The following SSR1 variants were observed in gnomAD, a reference collection of about 807,000 sequenced individuals.
SSR1 encodes the protein translocon-associated protein subunit alpha.
In SSR1, 13 loss-of-function variants were observed where a neutral mutation model predicts 36.1. The ratio of observed to expected loss-of-function variants is 0.36; its 90% CI spans 0.23 to 0.57. The LOEUF (loss-of-function observed/expected upper bound fraction) is 0.57. Among genes scored for constraint, SSR1 ranks in the 20% least tolerant of loss-of-function variants. SSR1 has a pLI of 0.81. For synonymous variants in SSR1, 113 were observed against 118.9 expected, an observed-to-expected ratio of 0.95 and a Z score of 0.32; for missense variants, 291 against 338.5, an observed-to-expected ratio of 0.86 and a Z score of 1.10.
At chr6:7,309,884 T>C (rs1758150375) in intron 2 of SSR1, 33 bp downstream of exon 2, 1 of 1,439,786 alleles carries the variant, frequency 6.9e-7, no homozygotes. Context: ...ATTACATACA[T>C]TTTACATATA....
rs1424668924 is a variant in SSR1 at position 7,286,131 on chromosome 6, AAAAC to A, written c.*3729_*3732del. ...TAAAGGTGTGTGATATGATGACTAG[AAAAC>A]AAACAGAACACAGCACGTGATTGAT... On this transcript the variant is annotated 3_prime_UTR_variant, in exon 8 of 8. Transcript: ENST00000244763. The A allele has an allele frequency of 6.6e-6, 1 of 152,212 alleles. No homozygotes were observed. Among genetic ancestry groups the A allele is most frequent in the Non-Finnish European group, 1.5e-5 (1 of 68,042 alleles). The allele number at this position is 152,212 out of a possible 1,614,324, so 9.4% of individuals were successfully genotyped here. A position where few individuals can be genotyped will look rare whatever the true frequency, so the allele number is the denominator to read the frequency against.
chr6:7,298,930 C>A (rs1304958415), intron 4 of SSR1, 107 bp from the exon 5 acceptor site: 12 of 838,764 alleles, frequency 1.4e-5, no homozygotes, highest in Admixed American at 6.6e-5. Flanking sequence ...ATAGCCTTCC[C>A]ATCACTTAGA....
chr6:7,312,526 A>G (rs566608582), intron 1 of SSR1, among the ~76,000 whole-genome samples: 1 of 152,240 alleles, frequency 6.6e-6, no homozygotes, highest in African/African-American at 2.4e-5. Context: ...TGAACAAGAC[A>G]CTCTGATGGC....
At chr6:7,301,151 C>G (rs2113288708) in intron 4 of SSR1, among the ~76,000 whole-genome samples, 159 bp downstream of exon 4, 1 of 152,260 alleles carries the variant, frequency 6.6e-6, no homozygotes, top group Non-Finnish European at 1.5e-5. Flanking sequence ...CTGGATTAGA[C>G]TTGAAGAAGA....
intron 2 of SSR1, among the ~76,000 whole-genome samples, chr6:7,308,469 A>G (rs1334146520): frequency 6.6e-6 from 1 of 152,176 alleles, no homozygotes; most frequent in Non-Finnish European, 1.5e-5. Flanking sequence ...GAATCATGAG[A>G]GGTTCCAGGT....
At chr6:7,306,726 C>A (rs1465776613) in intron 2 of SSR1, among the ~76,000 whole-genome samples, 2 of 151,498 alleles carry the variant, frequency 1.3e-5, no homozygotes, top group Admixed American at 1.3e-4. Context: ...ACCATCCTGG[C>A]TAACATGGTG....
chr6:7,313,182 T>G lies in SSR1; in HGVS notation c.-62A>C, dbSNP rs1207973402. 2.7e-6 allele frequency: 4 copies of G among 1,477,028 alleles called. No individual in the cohort carries two copies. The highest frequency in any genetic ancestry group is 2.0e-5 in the Admixed American group (1 of 48,918). The allele number at this position is 1,477,028 out of a possible 1,614,324, so 91.5% of individuals were successfully genotyped here. On this transcript the variant is annotated 5_prime_UTR_variant, in exon 1 of 8. Coordinates refer to ENST00000244763, the MANE Select transcript of SSR1 (RefSeq NM_003144.5). ...AGGCTCTCGGCGGCTCCGGCGGTAA[T>G]GGCGTTACTCTTCATCCGGGCTCCG... is the stretch of plus-strand genomic sequence containing the variant.
chr6:7,309,789 C>CTG, intron 2 of SSR1, 128 bp downstream of exon 2: 1 of 777,794 alleles, frequency 1.3e-6, no homozygotes, highest in South Asian at 1.5e-5. Context: ...TCATGCTGAA[C>CTG]TGTGGGTCAA....
At chr6:7,298,659 A>G in intron 5 of SSR1, 88 bp downstream of exon 5, 1 of 945,094 alleles carries the variant, frequency 1.1e-6, no homozygotes, top group Non-Finnish European at 1.7e-6. Context: ...TCCATCGTCA[A>G]CATCTAAAAC....
chr6:7,289,880 A>C lies in SSR1; in HGVS notation c.845T>G (p.Val282Gly). Residue 282 changes from valine (V) to glycine (G), a missense_variant, in exon 8 of 8, where the codon GTG (valine) becomes GGG (glycine). Val to Gly is a moderately radical substitution (Grantham distance 109). Transcript: ENST00000244763. The part of the protein sequence containing the change: ...LPRKRAQKRS[V>G]GSDE Reference sequence around the variant, plus strand: ...AAGGAACATTTACTCATCAGATCCCACTGATCTCTTCTGTGCCCGTTTCCT... The same window carrying C: ...AAGGAACATTTACTCATCAGATCCCCCTGATCTCTTCTGTGCCCGTTTCCT... The C allele has an allele frequency of 6.4e-7, 1 of 1,561,408 alleles. No homozygotes were observed. The highest frequency in any genetic ancestry group is 8.6e-7 in the Non-Finnish European group (1 of 1,161,882).
In SSR1 at chr6:7,301,523, C is replaced by T. The variant is rs775658524; in HGVS notation, c.330G>A (p.Lys110=). The change falls in exon 4 of 8, where the codon AAG becomes AAA. Residue 110 remains lysine (K), a synonymous_variant. Transcript: ENST00000244763. ...ATTCAACAATAAAATCTTCTGTACC[C>T]TTGTTGGTAAAGCCTACCAGGAACT... ...IVKFLVGFTN[K]GTEDFIVESL... is the part of the protein sequence containing the mutation. 11 of 1,613,802 alleles carry T rather than the reference C, an allele frequency of 6.8e-6. No individual in the cohort carries two copies. The highest frequency in any genetic ancestry group is 1.7e-5 in the Admixed American group (1 of 59,994).
chr6:7,292,299 T>C (rs777935594), intron 7 of SSR1, among the ~76,000 whole-genome samples: 1 of 152,208 alleles, frequency 6.6e-6, no homozygotes, highest in Non-Finnish European at 1.5e-5. Context: ...GGGACATTAA[T>C]GGGATCAGCT....
At chr6:7,294,989 T>C in intron 7 of SSR1, 1 of 1,077,686 alleles carries the variant, frequency 9.3e-7, no homozygotes, top group Non-Finnish European at 1.3e-6. Flanking sequence ...GTAAGAAAAA[T>C]TGTTCCATTA....
Position 7,301,466 on chromosome 6 carries a change from G to C in SSR1, c.387C>G (p.Asp129Glu). Residue 129 changes from aspartate (D) to glutamate (E), a missense_variant, in exon 4 of 8, where the codon GAC becomes GAG. By Grantham distance (45) the Asp-to-Glu change is conservative (BLOSUM62 2). Transcript: ENST00000244763. ...TGAAATTCTGGATATAAAACTGGTAGTCCTGAGGATAACGGAATGAGGCAT... is the reference window on the plus strand; with the variant it reads ...TGAAATTCTGGATATAAAACTGGTACTCCTGAGGATAACGGAATGAGGCAT... ...SLDASFRYPQ[D>E]YQFYIQNFTA... 6.2e-7 allele frequency: 1 copy of C among 1,614,140 alleles called. No homozygotes were observed. The highest frequency in any genetic ancestry group is 8.5e-7 in the Non-Finnish European group (1 of 1,180,018).
rs361519 is a variant in SSR1 at position 7,281,220 on chromosome 6, CAGG to C, written c.*8641_*8643del. 0.34 allele frequency: 51,365 copies of C among 151,776 alleles called. 9,088 individuals carry two copies. The highest frequency in any genetic ancestry group is 0.42 in the East Asian group (2,144 of 5,144). The allele number at this position is 151,776 out of a possible 1,614,324, so 9.4% of individuals were successfully genotyped here. A position where few individuals can be genotyped will look rare whatever the true frequency, so the allele number is the denominator to read the frequency against. On this transcript the variant is annotated 3_prime_UTR_variant, in exon 8 of 8. Transcript: ENST00000244763. ...TGACAGGACAGCAGACTAGTTCAAG[CAGG>C]AGGTTAGACCAGTAACAACAACCAA...
In SSR1 at chr6:7,287,950, A is replaced by C. The variant is rs988442771; in HGVS notation, c.*1914T>G. The C allele has an allele frequency of 6.6e-6, 1 of 152,452 alleles. No homozygotes were observed. The highest frequency in any genetic ancestry group is 2.4e-5 in the African/African-American group (1 of 41,446). 9.4% of individuals were successfully genotyped at this position (152,452 alleles called of 1,614,324 possible). On this transcript the variant is annotated 3_prime_UTR_variant, in exon 8 of 8. Transcript: ENST00000244763. ...AAAAAAAAAAAAATGACAAATAATA[A>C]ATTCTACATTTCCGAGGCACTAATT...
intron 2 of SSR1, among the ~76,000 whole-genome samples, chr6:7,308,515 G>A (rs954193785): frequency 6.6e-6 from 1 of 152,158 alleles, no homozygotes; most frequent in African/African-American, 2.4e-5. Context: ...AAAAAAAGCT[G>A]TGTAGGATGG....
At chr6:7,297,495 G>A (rs1581630800) in intron 6 of SSR1, among the ~76,000 whole-genome samples, 1 of 152,104 alleles carries the variant, frequency 6.6e-6, no homozygotes, top group Admixed American at 6.5e-5. Flanking sequence ...GGAGGCCAAG[G>A]TGGGCAGATT....
intron 1 of SSR1, among the ~76,000 whole-genome samples, chr6:7,310,887 G>T (rs1397593897): frequency 6.6e-6 from 1 of 152,034 alleles, no homozygotes; most frequent in African/African-American, 2.4e-5. Flanking sequence ...CTCCAGCCTG[G>T]GCGACACAGC....
Sources: allele counts gnomAD v4.1 joint callset (sites outside exome capture counted in the v4.1 genomes callset), GRCh38; gene constraint gnomAD v4.1.1; transcripts MANE v1.5; gene names NCBI Gene and HGNC (gene_info 2026-07-23, HGNC 2026-07-21).